The following SLC35F1 variants were observed in gnomAD, a reference collection of about 807,000 sequenced individuals.
SLC35F1 encodes the protein solute carrier family 35 member F1.
Under a neutral mutation model 48.7 loss-of-function variants are expected in SLC35F1, and 14 were observed. The observed-to-expected ratio is 0.29, with a 90% CI of 0.19 to 0.45. The LOEUF is 0.45. SLC35F1 is among the 20% of genes least tolerant of loss of function. The probability of loss-of-function intolerance (pLI) is 1.00; values close to 1 mark genes in which losing one functional copy is unlikely to be tolerated. For synonymous variants in SLC35F1, 190 were observed against 202.2 expected (o/e 0.94, Z 0.51); for missense variants, 404 against 500.0 (o/e 0.81, Z 1.83).
rs76095078 is a variant in SLC35F1 at position 118,067,922 on chromosome 6, G to A, written c.174-86523G>A. Among the ~76,000 whole-genome samples the A allele has an allele frequency of 9.2e-5, 14 of 152,160 alleles. No homozygotes were observed. The East Asian group carries it at 2.5e-3, about 27-fold the overall frequency. On this transcript the variant is annotated intron_variant, in intron 1 of 7. Coordinates refer to ENST00000360388, the MANE Select transcript of SLC35F1 (RefSeq NM_001029858.4). ...ACGGTGGTATTAGCTTTCTATAGCTGCTGTAAAAATTATCACAAACTCACA... is the reference window on the plus strand; with the variant it reads ...ACGGTGGTATTAGCTTTCTATAGCTACTGTAAAAATTATCACAAACTCACA...
At chr6:118,224,207 C>T (rs1775186926) in intron 2 of SLC35F1, among the ~76,000 whole-genome samples, 1 of 152,152 alleles carries the variant, frequency 6.6e-6, no homozygotes, top group Admixed American at 6.5e-5. Flanking sequence ...AGCATCCACC[C>T]CACGTATAGC....
chr6:118,064,056 G>T (rs1772579796), intron 1 of SLC35F1, among the ~76,000 whole-genome samples: 1 of 152,182 alleles, frequency 6.6e-6, no homozygotes, highest in African/African-American at 2.4e-5. Context: ...GTTTCACATG[G>T]CTGGGGAGGC....
At chr6:118,167,519 C>T (rs1736120961) in intron 2 of SLC35F1, among the ~76,000 whole-genome samples, 1 of 151,934 alleles carries the variant, frequency 6.6e-6, no homozygotes, top group African/African-American at 2.4e-5. Context: ...ACAATTGTAA[C>T]ACAATAATGA....
chr6:117,912,685 A>G (rs1775777887), intron 1 of SLC35F1, among the ~76,000 whole-genome samples: 1 of 152,236 alleles, frequency 6.6e-6, no homozygotes, highest in Non-Finnish European at 1.5e-5. Flanking sequence ...TCAGTAGTAA[A>G]GAAAAGATGT....
intron 4 of SLC35F1, 100 bp downstream of exon 4, chr6:118,267,254 C>A: frequency 7.5e-7 from 1 of 1,340,794 alleles, no homozygotes; most frequent in Non-Finnish European, 1.0e-6. Context: ...ACCTTAGGAA[C>A]CTGGATTTCC....
At chr6:118,281,204 C>A (rs9401063) in intron 6 of SLC35F1, among the ~76,000 whole-genome samples, 68,377 of 130,094 alleles carry the variant, frequency 0.53, 17,925 homozygotes, top group Admixed American at 0.61. Flanking sequence ...CTCTCTCTCT[C>A]TATATATATA....
At chr6:117,943,018 G>A (rs528617788) in intron 1 of SLC35F1, among the ~76,000 whole-genome samples, 32 of 152,138 alleles carry the variant, frequency 2.1e-4, no homozygotes, top group African/African-American at 7.5e-4. Context: ...AATTCTTTCA[G>A]TTCTAACACA....
At chr6:118,263,213 T>C (rs1018915403) in intron 3 of SLC35F1, among the ~76,000 whole-genome samples, 1 of 152,142 alleles carries the variant, frequency 6.6e-6, no homozygotes, top group Non-Finnish European at 1.5e-5. Context: ...TGCGCCATCA[T>C]GCCTGGCTAA....
At chr6:118,178,243 T>C (rs146706681) in intron 2 of SLC35F1, among the ~76,000 whole-genome samples, 192 of 152,156 alleles carry the variant, frequency 1.3e-3, no homozygotes, top group Non-Finnish European at 2.2e-3. Flanking sequence ...CCTCTCACCT[T>C]CCTTACCTAG....
chr6:118,006,437 T>A (rs1777175692), intron 1 of SLC35F1, among the ~76,000 whole-genome samples: 1 of 152,082 alleles, frequency 6.6e-6, no homozygotes. Flanking sequence ...GACAACATGA[T>A]GAGACCCCAT....
chr6:118,001,707 A>G (rs1777098262), intron 1 of SLC35F1, among the ~76,000 whole-genome samples: 1 of 152,204 alleles, frequency 6.6e-6, no homozygotes. Flanking sequence ...CTTATCTGAC[A>G]AAGGGCTAAT....
chr6:118,016,327 G>A (rs1211453175), intron 1 of SLC35F1, among the ~76,000 whole-genome samples: 1 of 152,070 alleles, frequency 6.6e-6, no homozygotes, highest in Admixed American at 6.6e-5. Context: ...TGATGCTTGG[G>A]GCAAACGGCA....
chr6:117,976,562 A>G (rs1776708142), intron 1 of SLC35F1, among the ~76,000 whole-genome samples: 1 of 152,154 alleles, frequency 6.6e-6, no homozygotes, highest in African/African-American at 2.4e-5. Flanking sequence ...TAATCATTAA[A>G]TATGTAAATA....
At chr6:117,977,206 T>G (rs868098041) in intron 1 of SLC35F1, among the ~76,000 whole-genome samples, 65 of 151,428 alleles carry the variant, frequency 4.3e-4, no homozygotes, top group African/African-American at 1.3e-3. Flanking sequence ...TCTTTCTTTT[T>G]TTTTTTTTGA....
intron 1 of SLC35F1, among the ~76,000 whole-genome samples, chr6:118,126,777 C>T (rs1337456577): frequency 2.0e-5 from 3 of 151,548 alleles, no homozygotes; most frequent in Non-Finnish European, 3.0e-5. Flanking sequence ...ATTTGGCTCT[C>T]TGTTTGTCTG....
At chr6:117,923,747 G>GTATATATACACGTGTATGTA (rs1449881173) in intron 1 of SLC35F1, among the ~76,000 whole-genome samples, 5 of 54,410 alleles carry the variant, frequency 9.2e-5, no homozygotes, top group Non-Finnish European at 1.8e-4. Flanking sequence ...ATACATATAT[G>GTATATATACACGTGTATGTA]TACATATATA....
At chr6:118,312,015 T>C (rs1250084288) in intron 7 of SLC35F1, among the ~76,000 whole-genome samples, 4 of 152,158 alleles carry the variant, frequency 2.6e-5, no homozygotes, top group Non-Finnish European at 4.4e-5. Context: ...TGTGCTTTAC[T>C]GAGAAGGAAG....
chr6:118,189,289 C>T (rs1215092261), intron 2 of SLC35F1, among the ~76,000 whole-genome samples: 2 of 152,102 alleles, frequency 1.3e-5, no homozygotes, highest in African/African-American at 2.4e-5. Flanking sequence ...CTCTTGTTTT[C>T]TTGATAATAG....
Position 118,146,863 on chromosome 6 carries a change from T to G in SLC35F1, c.174-7582T>G, listed in dbSNP as rs17079783. ...TGGCTACCAAAGAGTTTAATCAAAT[T>G]CATAAAAGGAATAGATTTTAGGATC... On this transcript the variant is annotated intron_variant, in intron 1 of 7. Transcript: ENST00000360388. 4.9e-3 allele frequency among the ~76,000 whole-genome samples: 745 copies of G among 152,282 alleles called. 10 individuals are homozygous for G. The highest frequency in any genetic ancestry group is 0.017 in the African/African-American group (694 of 41,568).
Sources: allele counts gnomAD v4.1 joint callset (sites outside exome capture counted in the v4.1 genomes callset), GRCh38; gene constraint gnomAD v4.1.1; transcripts MANE v1.5; gene names NCBI Gene and HGNC (gene_info 2026-07-23, HGNC 2026-07-21).